Variants in MALRD1 observed in about 807,000 individuals in gnomAD.
MALRD1 encodes MAM and LDL-receptor class A domain-containing protein 1.
In MALRD1, 247 loss-of-function variants were observed where a neutral mutation model predicts 242.1. The ratio of observed to expected loss-of-function variants is 1.02; its 90% CI spans 0.92 to 1.13. The LOEUF (loss-of-function observed/expected upper bound fraction) is 1.13, where lower values mean the gene tolerates loss of function less well. Among genes scored for constraint, MALRD1 ranks in the 50% most tolerant of loss-of-function variants. The pLI, the probability that MALRD1 is intolerant of heterozygous loss-of-function variation, is 0.00. For synonymous variants in MALRD1, 995 were observed against 866.6 expected, an observed-to-expected ratio of 1.15 and a Z score of -2.60; for missense variants, 2,989 against 2,533.1, an observed-to-expected ratio of 1.18 and a Z score of -3.86.
At chr10:19,418,642 A>G (rs1833601364) in intron 28 of MALRD1, among the ~76,000 whole-genome samples, 3 of 152,172 alleles carry the variant, frequency 2.0e-5, no homozygotes, top group Non-Finnish European at 4.4e-5. Flanking sequence ...ATAATTGCAA[A>G]ATTAAGACAT....
At chr10:19,062,089 C>A (rs779269595) in intron 1 of MALRD1, among the ~76,000 whole-genome samples, 8 of 151,906 alleles carry the variant, frequency 5.3e-5, no homozygotes, top group Non-Finnish European at 1.0e-4. Context: ...AACAAAATAA[C>A]CTAATTAAAA....
intron 21 of MALRD1, among the ~76,000 whole-genome samples, chr10:19,315,092 G>A (rs1465205227): frequency 1.4e-5 from 2 of 138,100 alleles, no homozygotes; most frequent in African/African-American, 2.7e-5. Context: ...ATAGAAATAT[G>A]TAAATATAAT....
At chr10:19,385,299 G>A (rs1295155140) in intron 26 of MALRD1, among the ~76,000 whole-genome samples, 1 of 151,962 alleles carries the variant, frequency 6.6e-6, no homozygotes, top group African/African-American at 2.4e-5. Context: ...CAATTTTTTG[G>A]AAGAGTTTGA....
At chr10:19,474,507 C>A (rs950536665) in intron 29 of MALRD1, among the ~76,000 whole-genome samples, 21 of 152,212 alleles carry the variant, frequency 1.4e-4, no homozygotes, top group African/African-American at 5.1e-4. Flanking sequence ...TACATTTCGA[C>A]ACAGTCTGTT....
intron 26 of MALRD1, among the ~76,000 whole-genome samples, chr10:19,385,164 A>G (rs1846023858): frequency 6.6e-6 from 1 of 151,936 alleles, no homozygotes; most frequent in Non-Finnish European, 1.5e-5. Context: ...TTGGTTTTCC[A>G]TTATTTTGTT....
intron 1 of MALRD1, among the ~76,000 whole-genome samples, chr10:19,066,146 G>A (rs1007585920): frequency 1.3e-5 from 2 of 152,092 alleles, no homozygotes. Flanking sequence ...CAATACCTCA[G>A]ACAATGTAAA....
chr10:19,146,296 G>A lies in MALRD1; in HGVS notation c.1510G>A (p.Gly504Arg), dbSNP rs1267338554. 8.1e-7 allele frequency: 1 copy of A among 1,231,452 alleles called. No individual in the cohort carries two copies. The highest frequency in any genetic ancestry group is 1.0e-6 in the Non-Finnish European group (1 of 987,900). 76.3% of individuals were successfully genotyped at this position (1,231,452 alleles called of 1,614,324 possible). A position where few individuals can be genotyped will look rare whatever the true frequency, so the allele number is the denominator to read the frequency against. ...GAAGCTGATGAAAGGATTGAATAAT[G>A]GAGAGCACCACTTTCCTGCAGCTGA... ...HWKLMKGLNN[G>R]EHHFPAADHT... The change falls in exon 11 of 40, where the codon GGA (glycine) becomes AGA (arginine). Residue 504 changes from glycine (G) to arginine (R), a missense_variant. Physicochemically the swap from Gly to Arg is moderately radical, Grantham distance 125. Coordinates refer to ENST00000454679, the MANE Select transcript of MALRD1 (RefSeq NM_001142308.3).
At chr10:19,317,307 G>T (rs1346427900) in intron 21 of MALRD1, among the ~76,000 whole-genome samples, 1 of 151,564 alleles carries the variant, frequency 6.6e-6, no homozygotes, top group East Asian at 1.9e-4. Context: ...ATAGTTCTAG[G>T]GTCTCTTTTC....
chr10:19,476,907 T>C (rs1034343136), intron 29 of MALRD1, among the ~76,000 whole-genome samples: 6 of 136,462 alleles, frequency 4.4e-5, no homozygotes, highest in African/African-American at 1.7e-4. Flanking sequence ...CTCCATCTCA[T>C]TAACCTAACT....
intron 18 of MALRD1, among the ~76,000 whole-genome samples, chr10:19,237,928 G>GAATTTTATATAGTTATATA (rs1564491278): frequency 2.5e-5 from 1 of 40,082 alleles, no homozygotes; most frequent in African/African-American, 1.1e-4. Context: ...ATAATTATAT[G>GAATTTTATATAGTTATATA]TAATTTTATA....
chr10:19,121,588 T>C (rs925233864), intron 5 of MALRD1, among the ~76,000 whole-genome samples: 2 of 149,464 alleles, frequency 1.3e-5, no homozygotes, highest in Middle Eastern at 3.5e-3. Flanking sequence ...GAAATGATCT[T>C]GTAGAGAAAG....
intron 36 of MALRD1, among the ~76,000 whole-genome samples, chr10:19,636,520 C>T (rs1224687244): frequency 6.6e-6 from 1 of 151,986 alleles, no homozygotes; most frequent in Admixed American, 6.6e-5. Context: ...CTTAAATACA[C>T]AAAACACAGC....
Position 19,389,523 on chromosome 10 carries a change from T to A in MALRD1, c.4759T>A (p.Trp1587Arg). ...GDKAHFRSTM[W>R]RESSAACTMS... ...CAAAGCACACTTCAGGAGTACCATG[T>A]GGCGAGAATCCAGTGCAGCCTGCAC... Residue 1587 changes from tryptophan (W) to arginine (R), a missense_variant, in exon 28 of 40, where the codon TGG (tryptophan) becomes AGG (arginine). By Grantham distance (101) the Trp-to-Arg change is moderately radical (BLOSUM62 -3). Transcript: ENST00000454679. The A allele has an allele frequency of 6.4e-7, 1 of 1,550,690 alleles. No individual in the cohort carries two copies. Among genetic ancestry groups the A allele is most frequent in the East Asian group, 2.4e-5 (1 of 40,916 alleles).
intron 19 of MALRD1, among the ~76,000 whole-genome samples, chr10:19,273,075 TTTCTGG>T (rs1356548556): frequency 6.6e-6 from 1 of 152,140 alleles, no homozygotes. Flanking sequence ...TCAAATGGTA[TTTCTGG>T]TTCTAAATCC....
intron 28 of MALRD1, among the ~76,000 whole-genome samples, chr10:19,408,539 CAAAG>C (rs1833133776): frequency 6.6e-6 from 1 of 151,826 alleles, no homozygotes; most frequent in Non-Finnish European, 1.5e-5. Context: ...TATATTCAAA[CAAAG>C]AAAATCATAC....
intron 26 of MALRD1, among the ~76,000 whole-genome samples, chr10:19,361,312 G>A (rs1298777955): frequency 2.6e-5 from 4 of 152,086 alleles, no homozygotes; most frequent in Admixed American, 6.6e-5. Context: ...GTGAATGTGA[G>A]GGCAGGAGCT....
At chr10:19,598,170 G>A (rs1356523776) in intron 34 of MALRD1, 1 of 152,170 alleles carries the variant, frequency 6.6e-6, no homozygotes, top group Non-Finnish European at 1.5e-5. Flanking sequence ...TTAGGTAACA[G>A]TGTAAGGTAA....
chr10:19,685,992 A>G (rs1842566248), intron 36 of MALRD1, among the ~76,000 whole-genome samples: 1 of 152,122 alleles, frequency 6.6e-6, no homozygotes, highest in African/African-American at 2.4e-5. Context: ...AATGGAGAGT[A>G]TCTGAGTCAT....
chr10:19,346,810 C>T (rs1340556835), intron 24 of MALRD1, among the ~76,000 whole-genome samples: 3 of 151,988 alleles, frequency 2.0e-5, no homozygotes, highest in African/African-American at 7.2e-5. Flanking sequence ...GCCACCATGC[C>T]CAGCTAATTT....
Sources: allele counts gnomAD v4.1 joint callset (sites outside exome capture counted in the v4.1 genomes callset), GRCh38; gene constraint gnomAD v4.1.1; transcripts MANE v1.5; gene names NCBI Gene and HGNC (gene_info 2026-07-23, HGNC 2026-07-21).